Variants in TTLL11 observed in about 807,000 individuals in gnomAD.
The protein encoded by TTLL11 is tubulin tyrosine ligase like 11, also known as tubulin polyglutamylase TTLL11.
A neutral mutation model predicts 51.7 loss-of-function variants in TTLL11; 42 were observed. The ratio of observed to expected loss-of-function variants is 0.81; its 90% CI spans 0.64 to 1.05. TTLL11 has a LOEUF of 1.05. Among genes scored for constraint, TTLL11 ranks in the 50% least tolerant of loss-of-function variants. TTLL11 has a pLI of 0.00. For missense variants in TTLL11, 799 were observed against 940.4 expected (o/e 0.85, Z 1.97); for synonymous variants, 381 against 383.5 (o/e 0.99, Z 0.08).
chr9:122,018,359 G>T (rs573403575), intron 3 of TTLL11, among the ~76,000 whole-genome samples: 1 of 152,184 alleles, frequency 6.6e-6, no homozygotes, highest in African/African-American at 2.4e-5. Flanking sequence ...TGATCTGCCC[G>T]CCTCGGCCTC....
intron 2 of TTLL11, among the ~76,000 whole-genome samples, chr9:122,034,135 G>T (rs939953502): frequency 1.3e-5 from 2 of 152,204 alleles, no homozygotes; most frequent in Non-Finnish European, 2.9e-5. Context: ...ACCAAATAGT[G>T]TTGTGGTATT....
At chr9:121,917,569 GAA>G (rs1212563986) in intron 6 of TTLL11, among the ~76,000 whole-genome samples, 1 of 129,250 alleles carries the variant, frequency 7.7e-6, no homozygotes, top group African/African-American at 2.9e-5. Context: ...AAGAAAGAAA[GAA>G]AGAAAGGAAG....
intron 6 of TTLL11, among the ~76,000 whole-genome samples, chr9:121,940,530 G>T (rs1457841416): frequency 6.6e-6 from 1 of 152,008 alleles, no homozygotes; most frequent in Non-Finnish European, 1.5e-5. Flanking sequence ...TGGAGACGGG[G>T]TTTCACTATG....
intron 3 of TTLL11, among the ~76,000 whole-genome samples, chr9:121,992,232 G>A (rs1291547652): frequency 2.0e-5 from 3 of 152,140 alleles, no homozygotes; most frequent in Non-Finnish European, 2.9e-5. Context: ...TCAGAACGTG[G>A]TTCCCATAGC....
chr9:121,852,518 CA>C (rs1334265571), intron 8 of TTLL11, among the ~76,000 whole-genome samples: 14 of 152,054 alleles, frequency 9.2e-5, no homozygotes, highest in Non-Finnish European at 4.4e-5. Context: ...AGGCCTACAT[CA>C]AAAAGAATTC....
intron 1 of TTLL11, among the ~76,000 whole-genome samples, chr9:122,054,445 G>T (rs1185001341): frequency 6.6e-6 from 1 of 152,068 alleles, no homozygotes; most frequent in African/African-American, 2.4e-5. Flanking sequence ...AACAGAAAAA[G>T]AAAAACTTCA....
intron 2 of TTLL11, among the ~76,000 whole-genome samples, chr9:122,032,128 T>G (rs992618371): frequency 6.6e-6 from 1 of 152,238 alleles, no homozygotes; most frequent in African/African-American, 2.4e-5. Context: ...CCTAGTTTAT[T>G]CTTTTATTCT....
intron 3 of TTLL11, among the ~76,000 whole-genome samples, chr9:121,991,008 T>G (rs1241465136): frequency 6.6e-6 from 1 of 152,036 alleles, no homozygotes; most frequent in East Asian, 1.9e-4. Flanking sequence ...AGAGAGAAGC[T>G]GGAGGAAATG....
At chr9:122,000,287 C>T (rs191785650) in intron 3 of TTLL11, among the ~76,000 whole-genome samples, 32 of 151,986 alleles carry the variant, frequency 2.1e-4, no homozygotes, top group Admixed American at 7.9e-4. Flanking sequence ...CTGCCTAACA[C>T]GGTGAAACCC....
chr9:121,857,797 A>G (rs1837874204), intron 8 of TTLL11, among the ~76,000 whole-genome samples: 1 of 152,244 alleles, frequency 6.6e-6, no homozygotes, highest in Non-Finnish European at 1.5e-5. Context: ...TACCGGGAGC[A>G]ATTTAAGAGG....
intron 1 of TTLL11, among the ~76,000 whole-genome samples, chr9:122,046,791 G>A (rs1845017132): frequency 6.6e-6 from 1 of 152,234 alleles, no homozygotes; most frequent in Non-Finnish European, 1.5e-5. Context: ...AGATAGAGAT[G>A]AGGAAACGTG....
Position 122,092,705 on chromosome 9 carries a change from G to A in TTLL11, c.444C>T (p.Arg148=). 1 of 1,537,518 alleles carries A rather than the reference G, an allele frequency of 6.5e-7. No individual in the cohort carries two copies. Among genetic ancestry groups the A allele is most frequent in the East Asian group, 2.4e-5 (1 of 40,970 alleles). ...GCCTCACCTCCTTCCACTTGAGCTGGCGGATGCTGATCTTCAGGGCATCCA... is the reference window on the plus strand; with the variant it reads ...GCCTCACCTCCTTCCACTTGAGCTGACGGATGCTGATCTTCAGGGCATCCA... ...TSLDALKISI[R]QLKWKEFPFG... Residue 148 remains arginine (R), a synonymous_variant, in exon 1 of 9, where the codon CGC becomes CGT. Coordinates refer to ENST00000321582, the MANE Select transcript of TTLL11 (RefSeq NM_001139442.2).
intron 6 of TTLL11, among the ~76,000 whole-genome samples, chr9:121,871,469 C>A (rs982873110): frequency 3.4e-4 from 51 of 152,118 alleles, no homozygotes; most frequent in Non-Finnish European, 5.9e-5. Flanking sequence ...CAGGAAAGCA[C>A]AGAATAAATG....
intron 6 of TTLL11, among the ~76,000 whole-genome samples, chr9:121,897,642 G>GCGCA: frequency 1.4e-5 from 1 of 70,058 alleles, no homozygotes; most frequent in East Asian, 6.0e-4. Context: ...ACACACACAC[G>GCGCA]CGCGCGCGAA....
chr9:121,815,732 T>C lies in TTLL11; in HGVS notation c.*6855A>G, dbSNP rs570817104. ...TCAGCTTCGTTTTATTATTGCGTTTTATGAAGTTGCCAAGACAACTGAGGC... is the reference window on the plus strand; with the variant it reads ...TCAGCTTCGTTTTATTATTGCGTTTCATGAAGTTGCCAAGACAACTGAGGC... On this transcript the variant is annotated 3_prime_UTR_variant, in exon 9 of 9. Transcript: ENST00000321582. 3.7e-4 allele frequency: 57 copies of C among 152,356 alleles called. No homozygotes were observed. Among genetic ancestry groups the C allele is most frequent in the African/African-American group, 1.3e-3 (55 of 41,586 alleles). 9.4% of individuals were successfully genotyped at this position (152,356 alleles called of 1,614,324 possible). A position where few individuals can be genotyped will look rare whatever the true frequency, so the allele number is the denominator to read the frequency against.
intron 1 of TTLL11, among the ~76,000 whole-genome samples, chr9:122,089,049 C>T (rs1462537121): frequency 6.7e-6 from 1 of 149,166 alleles, no homozygotes; most frequent in South Asian, 2.1e-4. Flanking sequence ...AAAAAGGAAG[C>T]GAGATTGTGT....
At chr9:121,859,103 G>A (rs372988269) in intron 8 of TTLL11, among the ~76,000 whole-genome samples, 3 of 134,816 alleles carry the variant, frequency 2.2e-5, no homozygotes, top group East Asian at 4.5e-4. Flanking sequence ...CTGGTTTACC[G>A]GGACATTTAA....
At chr9:121,899,341 CTGTG>C (rs541507208) in intron 6 of TTLL11, among the ~76,000 whole-genome samples, 200 of 136,900 alleles carry the variant, frequency 1.5e-3, no homozygotes, top group African/African-American at 5.2e-3. Context: ...TTAATTCACT[CTGTG>C]TGTGTGTGTA....
At chr9:122,024,616 A>G (rs867219041) in intron 3 of TTLL11, among the ~76,000 whole-genome samples, 5 of 152,224 alleles carry the variant, frequency 3.3e-5, no homozygotes, top group Admixed American at 6.5e-5. Flanking sequence ...GAATTCAGAA[A>G]TATACCTACA....
Sources: allele counts gnomAD v4.1 joint callset (sites outside exome capture counted in the v4.1 genomes callset), GRCh38; gene constraint gnomAD v4.1.1; transcripts MANE v1.5; gene names NCBI Gene and HGNC (gene_info 2026-07-23, HGNC 2026-07-21).